Variants in ENOX2 observed in about 807,000 individuals in gnomAD.
The protein encoded by ENOX2 is APK1 antigen.
A neutral mutation model predicts 45.0 loss-of-function variants in ENOX2; 36 were observed. That is an observed-to-expected ratio of 0.80 (90% CI 0.61 to 1.06). ENOX2 has a LOEUF of 1.06. ENOX2 is among the 50% of genes least tolerant of loss of function. ENOX2 has a pLI of 0.00. For synonymous variants in ENOX2, 174 were observed against 152.3 expected (o/e 1.14, Z -1.05); for missense variants, 423 against 462.5 (o/e 0.91, Z 0.78).
chrX:130,860,573 C>T (rs915812964), intron 2 of ENOX2, among the ~76,000 whole-genome samples: 1 of 111,701 alleles, frequency 9.0e-6, no homozygotes, highest in African/African-American at 3.3e-5. Context: ...AAGGAAAAAA[C>T]TTGGGTTCAT....
chrX:130,634,972 G>C lies in ENOX2; in HGVS notation c.1419+12C>G. On this transcript the variant is annotated intron_variant, in intron 12 of 14. Transcript: ENST00000394363. Reference sequence around the variant, plus strand: ...AGGGGCAAGGAAAAAGGTTCACTTAGGGTGCATGTACCTTTTCTTTAAGAT... The same window carrying C: ...AGGGGCAAGGAAAAAGGTTCACTTACGGTGCATGTACCTTTTCTTTAAGAT... 1 of 951,473 alleles carries C rather than the reference G, an allele frequency of 1.1e-6. No homozygotes were observed. The highest frequency in any genetic ancestry group is 1.5e-6 in the Non-Finnish European group (1 of 667,781). The allele number at this position is 951,473 out of a possible 1,213,427, so 78.4% of individuals were successfully genotyped here.
intron 3 of ENOX2, among the ~76,000 whole-genome samples, chrX:130,714,756 G>A (rs1334166297): frequency 9.0e-6 from 1 of 111,403 alleles, no homozygotes; most frequent in African/African-American, 3.3e-5. Context: ...AGTGAGAGTG[G>A]CAGATATGAA....
intron 3 of ENOX2, among the ~76,000 whole-genome samples, chrX:130,749,748 T>C (rs765124636): frequency 4.5e-4 from 50 of 110,957 alleles, no homozygotes; most frequent in African/African-American, 1.3e-3. Context: ...GGTGGGGCCT[T>C]TGACGGTAAG....
intron 9 of ENOX2, among the ~76,000 whole-genome samples, chrX:130,656,933 G>A (rs73553299): frequency 0.017 from 1,912 of 111,568 alleles, 30 homozygotes; most frequent in African/African-American, 0.059. Context: ...AGGAGTCTAT[G>A]ATTCTTATAT....
chrX:130,639,999 A>T (rs1308509575), intron 10 of ENOX2, among the ~76,000 whole-genome samples: 1 of 112,296 alleles, frequency 8.9e-6, no homozygotes, highest in Non-Finnish European at 1.9e-5. Context: ...GTCCAAGATC[A>T]AGGTGCCAGT....
chrX:130,815,550 C>G (rs1196857929), intron 2 of ENOX2, among the ~76,000 whole-genome samples: 1 of 112,509 alleles, frequency 8.9e-6, no homozygotes, highest in Non-Finnish European at 1.9e-5. Context: ...CAGCAGATCT[C>G]TGCAGAAGCT....
Position 130,631,511 on chromosome X carries a change from C to G in ENOX2, c.1485G>C (p.Met495Ile). 2 of 1,206,451 alleles carry G rather than the reference C, an allele frequency of 1.7e-6. No individual in the cohort carries two copies. The highest frequency in any genetic ancestry group is 2.2e-6 in the Non-Finnish European group (2 of 890,690). The stretch of plus-strand genomic sequence containing the variant: ...GTTCAGATTTGATAGGACTGCTGTT[C>G]ATGGTCTTCTCAAGAGGGTATTCGC... ...QDSEYPLEKT[M>I]NSSPIKSERE... The change falls in exon 13 of 15, where the codon ATG becomes ATC. Residue 495 changes from methionine (M) to isoleucine (I), a missense_variant. By Grantham distance (10) the Met-to-Ile change is conservative. Around this residue, in one of 5 missense-constraint regions of ENOX2, gnomAD observed 108 missense variants for 70.6 expected, o/e 1.53. Coordinates refer to ENST00000394363, the MANE Select transcript of ENOX2 (RefSeq NM_006375.4).
At chrX:130,863,429 T>C (rs1193234465) in intron 2 of ENOX2, among the ~76,000 whole-genome samples, 2 of 112,479 alleles carry the variant, frequency 1.8e-5, no homozygotes, top group Non-Finnish European at 3.8e-5. Context: ...CAGTTTCAAA[T>C]AGGCATCTTG....
chrX:130,708,306 C>T (rs781113705), intron 3 of ENOX2, among the ~76,000 whole-genome samples: 3 of 111,510 alleles, frequency 2.7e-5, no homozygotes, highest in Middle Eastern at 4.6e-3. Flanking sequence ...TCCCAGCCCT[C>T]GGGGGGTTCA....
chrX:130,863,699 T>C (rs948348301), intron 2 of ENOX2, among the ~76,000 whole-genome samples: 1 of 112,495 alleles, frequency 8.9e-6, no homozygotes, highest in Non-Finnish European at 1.9e-5. Context: ...AAAATGCGGA[T>C]TCTTATAATT....
At chrX:130,675,372 G>A in intron 6 of ENOX2, among the ~76,000 whole-genome samples, 1 of 112,324 alleles carries the variant, frequency 8.9e-6, no homozygotes, top group Non-Finnish European at 1.9e-5. Context: ...AGCATCCATG[G>A]ACAAAAGACA....
intron 2 of ENOX2, among the ~76,000 whole-genome samples, chrX:130,844,965 T>A (rs1288556981): frequency 8.9e-6 from 1 of 112,479 alleles, no homozygotes. Context: ...CATTTAGTTC[T>A]CATAAACAGT....
At chrX:130,732,825 T>A (rs1456627983) in intron 3 of ENOX2, among the ~76,000 whole-genome samples, 1 of 111,354 alleles carries the variant, frequency 9.0e-6, no homozygotes, top group African/African-American at 3.3e-5. Context: ...GATATCCACA[T>A]GCAAAAGAGT....
intron 10 of ENOX2, among the ~76,000 whole-genome samples, chrX:130,654,716 T>C (rs1438621718): frequency 2.7e-5 from 3 of 112,152 alleles, no homozygotes; most frequent in Non-Finnish European, 5.6e-5. Flanking sequence ...ATTAAGTCTA[T>C]TGTAGATAGC....
At chrX:130,852,822 C>T (rs1424792124) in intron 2 of ENOX2, among the ~76,000 whole-genome samples, 1 of 110,879 alleles carries the variant, frequency 9.0e-6, no homozygotes, top group Non-Finnish European at 1.9e-5. Flanking sequence ...TTTCAATGAC[C>T]ATTATGAACA....
At chrX:130,725,494 C>T (rs2038583665) in intron 3 of ENOX2, among the ~76,000 whole-genome samples, 1 of 109,283 alleles carries the variant, frequency 9.2e-6, no homozygotes, top group African/African-American at 3.3e-5. Context: ...TTATTCTAGT[C>T]CCATATCCGG....
chrX:130,802,505 C>T (rs966654601), intron 2 of ENOX2, among the ~76,000 whole-genome samples: 1 of 112,231 alleles, frequency 8.9e-6, no homozygotes, highest in Admixed American at 9.4e-5. Context: ...TTCAACTTTG[C>T]TTCACATCCA....
intron 9 of ENOX2, among the ~76,000 whole-genome samples, chrX:130,662,223 T>A (rs1322967559): frequency 8.9e-6 from 1 of 111,970 alleles, no homozygotes; most frequent in East Asian, 2.8e-4. Context: ...CGTAAAGCAA[T>A]GAAAAAGACT....
intron 2 of ENOX2, among the ~76,000 whole-genome samples, chrX:130,804,487 T>C (rs1215448664): frequency 2.7e-5 from 3 of 111,892 alleles, no homozygotes; most frequent in South Asian, 3.8e-4. Context: ...TAAGAGGTAG[T>C]TGACAATTGC....
Sources: allele counts gnomAD v4.1 joint callset (sites outside exome capture counted in the v4.1 genomes callset), GRCh38; gene constraint gnomAD v4.1.1; regional missense constraint gnomAD v4.1.1; transcripts MANE v1.5; gene names NCBI Gene and HGNC (gene_info 2026-07-23, HGNC 2026-07-21).